Variants in GABRA5 observed in about 807,000 individuals in gnomAD.
GABRA5 encodes the protein gamma-aminobutyric acid type A receptor subunit alpha5.
In GABRA5, 18 loss-of-function variants were observed where a neutral mutation model predicts 47.3. The ratio of observed to expected loss-of-function variants is 0.38; its 90% CI spans 0.26 to 0.56. The LOEUF is 0.56. GABRA5 is among the 20% of genes least tolerant of loss of function. GABRA5 has a pLI of 0.71. For missense variants in GABRA5, 365 were observed against 599.3 expected (o/e 0.61, Z 4.08); for synonymous variants, 237 against 229.3 (o/e 1.03, Z -0.30).
At chr15:26,943,576 T>A in intron 10 of GABRA5, 150 bp downstream of exon 10, 1 of 706,256 alleles carries the variant, frequency 1.4e-6, no homozygotes, top group Non-Finnish European at 2.4e-6. Flanking sequence ...TACCAAGTCT[T>A]ACTGACAACA....
intron 7 of GABRA5, among the ~76,000 whole-genome samples, chr15:26,921,434 T>C (rs1430536481): frequency 3.3e-5 from 5 of 152,176 alleles, no homozygotes; most frequent in Admixed American, 3.3e-4. Flanking sequence ...ACTGTCTTGA[T>C]GTCTGCAGTG....
rs373272917 is a variant in GABRA5, at chr15:26,891,793, G to A, written c.497+8236G>A. On this transcript the variant is annotated intron_variant, in intron 6 of 10. Coordinates refer to ENST00000335625, the MANE Select transcript of GABRA5 (RefSeq NM_000810.4). The stretch of plus-strand genomic sequence containing the variant: ...CCGCGCTTCCGGACACCAGAGTCCC[G>A]AGTCAGGGCCACAGTGCTGCTGCAG... Among the ~76,000 whole-genome samples the A allele has an allele frequency of 1.2e-3, 179 of 152,316 alleles. 1 individual carries two copies. Among genetic ancestry groups the A allele is most frequent in the African/African-American group, 4.1e-3 (172 of 41,586 alleles).
chr15:26,880,602 G>A (rs1320126142), intron 3 of GABRA5: 8 of 360,214 alleles, frequency 2.2e-5, no homozygotes. Context: ...TAGAATCACA[G>A]AATGATAGAC....
intron 10 of GABRA5, among the ~76,000 whole-genome samples, chr15:26,946,086 GC>G (rs1465305860): frequency 6.6e-6 from 1 of 152,174 alleles, no homozygotes; most frequent in Non-Finnish European, 1.5e-5. Context: ...GGGTCCTCAT[GC>G]CCCTGCCCCT....
At chr15:26,885,022 C>T (rs1466727017) in intron 6 of GABRA5, among the ~76,000 whole-genome samples, 1 of 152,124 alleles carries the variant, frequency 6.6e-6, no homozygotes, top group African/African-American at 2.4e-5. Context: ...CAGGGCCAGG[C>T]ACGGTGGCTC....
chr15:26,911,568 T>C (rs944534602), intron 6 of GABRA5, among the ~76,000 whole-genome samples: 1 of 152,096 alleles, frequency 6.6e-6, no homozygotes, highest in East Asian at 1.9e-4. Flanking sequence ...TCTGGTCCCT[T>C]TTATAAACAC....
At chr15:26,880,083 C>G (rs1010254511) in intron 3 of GABRA5, among the ~76,000 whole-genome samples, 2 of 152,196 alleles carry the variant, frequency 1.3e-5, no homozygotes, top group African/African-American at 4.8e-5. Flanking sequence ...CTCAGTTTGT[C>G]TAGATCTGCT....
chr15:26,882,833 G>T (rs1430699520), intron 4 of GABRA5, among the ~76,000 whole-genome samples: 3 of 152,222 alleles, frequency 2.0e-5, no homozygotes, highest in African/African-American at 7.2e-5. Context: ...ATTGCTCCAG[G>T]TTTACAGAGG....
intron 7 of GABRA5, among the ~76,000 whole-genome samples, chr15:26,936,629 G>A (rs1414318677): frequency 6.6e-6 from 1 of 152,166 alleles, no homozygotes; most frequent in Non-Finnish European, 1.5e-5. Context: ...AGGGGTGCAG[G>A]TCCTGCTTGC....
intron 10 of GABRA5, among the ~76,000 whole-genome samples, chr15:26,944,226 G>A (rs1894457769): frequency 6.6e-6 from 1 of 152,192 alleles, no homozygotes; most frequent in Non-Finnish European, 1.5e-5. Flanking sequence ...CCCAGCCAAG[G>A]GCCACAAGCC....
chr15:26,872,288 A>G (rs1595390892), intron 3 of GABRA5, among the ~76,000 whole-genome samples: 1 of 152,180 alleles, frequency 6.6e-6, no homozygotes, highest in African/African-American at 2.4e-5. Context: ...GATGAATCCT[A>G]GGAGCCACTG....
chr15:26,903,716 C>CT (rs532219240), intron 6 of GABRA5, among the ~76,000 whole-genome samples: 11 of 151,960 alleles, frequency 7.2e-5, no homozygotes, highest in South Asian at 2.1e-4. Context: ...TGATATTTAG[C>CT]TTTTTTTTCA....
chr15:26,935,156 C>T (rs1894207418), intron 7 of GABRA5, among the ~76,000 whole-genome samples: 1 of 152,102 alleles, frequency 6.6e-6, no homozygotes, highest in South Asian at 2.1e-4. Context: ...TTATTCCCAC[C>T]CTTAATGTGA....
At chr15:26,915,505 C>A (rs1195666108) in intron 7 of GABRA5, among the ~76,000 whole-genome samples, 1 of 152,186 alleles carries the variant, frequency 6.6e-6, no homozygotes, top group Non-Finnish European at 1.5e-5. Flanking sequence ...ACAGTTGAGA[C>A]AGTTGAAAAG....
chr15:26,934,919 C>T (rs184705025), intron 7 of GABRA5, among the ~76,000 whole-genome samples: 2 of 152,288 alleles, frequency 1.3e-5, no homozygotes, highest in East Asian at 1.9e-4. Flanking sequence ...AAGCCCGATG[C>T]GAGTGAAAAT....
chr15:26,886,015 CTGTTGT>C (rs79858293), intron 6 of GABRA5, among the ~76,000 whole-genome samples: 4 of 151,082 alleles, frequency 2.6e-5, no homozygotes, highest in Non-Finnish European at 4.4e-5. Flanking sequence ...ATGCAGTTTG[CTGTTGT>C]TGTTGTTGTT....
chr15:26,871,335 G>C lies in GABRA5; in HGVS notation c.86+2001G>C, dbSNP rs114922669. ...AAATAGGAAGTAATGTGTGTAAGTAGTTTAGCCCCAAGAAGCAGGTATGCT... is the reference window on the plus strand; with the variant it reads ...AAATAGGAAGTAATGTGTGTAAGTACTTTAGCCCCAAGAAGCAGGTATGCT... On this transcript the variant is annotated intron_variant, in intron 3 of 10. Coordinates refer to ENST00000335625, the MANE Select transcript of GABRA5 (RefSeq NM_000810.4). 5.8e-3 allele frequency among the ~76,000 whole-genome samples: 880 copies of C among 152,322 alleles called. 6 individuals are homozygous for C. The highest frequency in any genetic ancestry group is 0.021 in the African/African-American group (857 of 41,562).
At position 26,872,962 on chromosome 15, in the gene GABRA5, T is replaced by C. The variant is rs1052203898; in HGVS notation, c.86+3628T>C. Among the ~76,000 whole-genome samples, 5 of 152,242 alleles carry C rather than the reference T, an allele frequency of 3.3e-5. No homozygotes were observed. In the East Asian group the frequency reaches 7.7e-4, roughly 23 times the overall value. ...TCTCTTGATCATATTCTAAATTTGA[T>C]TGGAGTCACCAGCAGCTCATTTGCA... On this transcript the variant is annotated intron_variant, in intron 3 of 10. Coordinates refer to ENST00000335625, the MANE Select transcript of GABRA5 (RefSeq NM_000810.4).
rs117934812 is a variant in GABRA5 at position 26,875,695 on chromosome 15, C to T, written c.87-5151C>T. Among the ~76,000 whole-genome samples, 910 of 151,758 alleles carry T rather than the reference C, an allele frequency of 6.0e-3. 5 individuals are homozygous for T. Among genetic ancestry groups the T allele is most frequent in the Non-Finnish European group, 0.01 (685 of 67,930 alleles). On this transcript the variant is annotated intron_variant, in intron 3 of 10. Coordinates refer to ENST00000335625, the MANE Select transcript of GABRA5 (RefSeq NM_000810.4). ...GGGGCAGGCGTGAGGAAGTGGGAGA[C>T]GGGGAGGGAGCGTCGTCAGGGAGGA...
Sources: allele counts gnomAD v4.1 joint callset (sites outside exome capture counted in the v4.1 genomes callset), GRCh38; gene constraint gnomAD v4.1.1; transcripts MANE v1.5; gene names NCBI Gene and HGNC (gene_info 2026-07-23, HGNC 2026-07-21).